The following CAMK4 variants were observed in gnomAD, a reference collection of about 807,000 sequenced individuals.
CAMK4 encodes the protein calcium/calmodulin dependent protein kinase IV.
In CAMK4, 22 loss-of-function variants were observed where a neutral mutation model predicts 44.9. The observed-to-expected ratio is 0.49, with a 90% CI of 0.35 to 0.70. The LOEUF is 0.70. Ranked by LOEUF, CAMK4 falls within the 30% of genes least tolerant of loss-of-function variation. The pLI is 0.01. For missense variants in CAMK4, 498 were observed against 586.8 expected, an observed-to-expected ratio of 0.85 and a Z score of 1.56; for synonymous variants, 218 against 215.4, an observed-to-expected ratio of 1.01 and a Z score of -0.11.
chr5:111,428,787 G>C (rs772553412), intron 5 of CAMK4, among the ~76,000 whole-genome samples: 10 of 152,146 alleles, frequency 6.6e-5, no homozygotes, highest in Non-Finnish European at 1.3e-4. Context: ...GATATGGGTA[G>C]AAAGTTTAAT....
chr5:111,472,574 A>C (rs1755103647), intron 7 of CAMK4, among the ~76,000 whole-genome samples: 1 of 152,244 alleles, frequency 6.6e-6, no homozygotes, highest in Non-Finnish European at 1.5e-5. Context: ...AAGGTAATAA[A>C]AATATAAAAG....
intron 2 of CAMK4, among the ~76,000 whole-genome samples, chr5:111,373,500 T>G (rs1010404917): frequency 1.3e-5 from 2 of 152,186 alleles, no homozygotes; most frequent in Admixed American, 1.3e-4. Flanking sequence ...TCATTCCTTT[T>G]TAAAGATTGC....
Position 111,486,175 on chromosome 5 carries a change from C to T in CAMK4, c.*1709C>T, listed in dbSNP as rs1755610813. 6.6e-6 allele frequency: 1 copy of T among 152,104 alleles called. No individual in the cohort carries two copies. The highest frequency in any genetic ancestry group is 1.5e-5 in the Non-Finnish European group (1 of 68,028). 9.4% of individuals were successfully genotyped at this position (152,104 alleles called of 1,614,324 possible). A position where few individuals can be genotyped will look rare whatever the true frequency, so the allele number is the denominator to read the frequency against. ...ACAAATCTCTCTCTACTACTGTTCT[C>T]ATGGGAAGAAAACAAGGTAGGACTT... On this transcript the variant is annotated 3_prime_UTR_variant, in exon 11 of 11. Coordinates refer to ENST00000282356, the MANE Select transcript of CAMK4 (RefSeq NM_001744.6).
chr5:111,482,227 A>G lies in CAMK4; in HGVS notation c.829-558A>G, dbSNP rs954964200. ...CCTCAAGCCACTGACTTCTTGGATT[A>G]TAAAATGATTTTTAAACTCTGGGCT... On this transcript the variant is annotated intron_variant, in intron 9 of 10. Coordinates refer to ENST00000282356, the MANE Select transcript of CAMK4 (RefSeq NM_001744.6). The surrounding 1 kb of genome is among the most constrained non-coding windows in gnomAD (Gnocchi z 4.9). 3 of 152,364 alleles carry G rather than the reference A, an allele frequency of 2.0e-5. No individual in the cohort carries two copies. Among genetic ancestry groups the G allele is most frequent in the Non-Finnish European group, 2.9e-5 (2 of 68,040 alleles). The allele number at this position is 152,364 out of a possible 1,614,324, so 9.4% of individuals were successfully genotyped here.
chr5:111,490,009 T>C lies in CAMK4; in HGVS notation c.*5543T>C, dbSNP rs1361226734. 6.6e-6 allele frequency: 1 copy of C among 152,218 alleles called. No homozygotes were observed. The highest frequency in any genetic ancestry group is 1.5e-5 in the Non-Finnish European group (1 of 68,034). 9.4% of individuals were successfully genotyped at this position (152,218 alleles called of 1,614,324 possible). A position where few individuals can be genotyped will look rare whatever the true frequency, so the allele number is the denominator to read the frequency against. On this transcript the variant is annotated 3_prime_UTR_variant, in exon 11 of 11. Coordinates refer to ENST00000282356, the MANE Select transcript of CAMK4 (RefSeq NM_001744.6). ...AAAATCACACTATTCTAAACAGTTG[T>C]TTTCAGCTCATTTTGAAGATTGACC...
At chr5:111,240,354 A>G (rs1748931639) in intron 1 of CAMK4, among the ~76,000 whole-genome samples, 1 of 152,028 alleles carries the variant, frequency 6.6e-6, no homozygotes. Flanking sequence ...AAAGCAGTCT[A>G]TTAGTTTGTG....
intron 5 of CAMK4, among the ~76,000 whole-genome samples, chr5:111,425,160 CT>C (rs1345674855): frequency 1.2e-5 from 1 of 81,364 alleles, no homozygotes; most frequent in East Asian, 3.1e-4. Flanking sequence ...AAGACGCTGT[CT>C]TAAAAAAAAA....
chr5:111,252,517 G>C (rs910470639), intron 1 of CAMK4, among the ~76,000 whole-genome samples: 1 of 152,078 alleles, frequency 6.6e-6, no homozygotes, highest in Non-Finnish European at 1.5e-5. Flanking sequence ...GGAACTTGTG[G>C]TTGCTGGTAG....
chr5:111,386,025 A>G (rs925239325), intron 4 of CAMK4, among the ~76,000 whole-genome samples: 1 of 152,168 alleles, frequency 6.6e-6, no homozygotes, highest in Non-Finnish European at 1.5e-5. Flanking sequence ...TTGATCCACA[A>G]TTCCCTGACT....
chr5:111,468,751 G>C (rs1420834200), intron 7 of CAMK4, among the ~76,000 whole-genome samples: 1 of 152,078 alleles, frequency 6.6e-6, no homozygotes, highest in South Asian at 2.1e-4. Context: ...AGGCCGAGGC[G>C]GGTGGATCAC....
At chr5:111,228,257 C>A (rs768507643) in intron 1 of CAMK4, among the ~76,000 whole-genome samples, 1 of 152,128 alleles carries the variant, frequency 6.6e-6, no homozygotes, top group Non-Finnish European at 1.5e-5. Context: ...TATTTTGGAA[C>A]CTTTTTTTTC....
rs954994953 is a variant in CAMK4 at position 111,488,509 on chromosome 5, T to G, written c.*4043T>G. ...TTTAAACATATTTTGTAATTCAGAA[T>G]GTTTAGCAATCCCTATGTCCTGTTT... On this transcript the variant is annotated 3_prime_UTR_variant, in exon 11 of 11. Transcript: ENST00000282356. The G allele has an allele frequency of 4.6e-5, 7 of 152,228 alleles. No homozygotes were observed. The highest frequency in any genetic ancestry group is 8.8e-5 in the Non-Finnish European group (6 of 68,038). 9.4% of individuals were successfully genotyped at this position (152,228 alleles called of 1,614,324 possible).
At chr5:111,257,805 A>AC (rs1195828121) in intron 1 of CAMK4, among the ~76,000 whole-genome samples, 2 of 152,246 alleles carry the variant, frequency 1.3e-5, no homozygotes, top group Admixed American at 6.5e-5. Context: ...ACCAAGGAAT[A>AC]CTATGCAGCC....
intron 5 of CAMK4, among the ~76,000 whole-genome samples, chr5:111,441,929 A>ATTCTTTATT (rs1753836576): frequency 6.6e-6 from 1 of 152,156 alleles, no homozygotes; most frequent in Non-Finnish European, 1.5e-5. Flanking sequence ...AGCATGTTTT[A>ATTCTTTATT]TTCTTTATTT....
intron 2 of CAMK4, among the ~76,000 whole-genome samples, chr5:111,352,234 A>G (rs1750140286): frequency 6.6e-6 from 1 of 152,110 alleles, no homozygotes; most frequent in Non-Finnish European, 1.5e-5. Flanking sequence ...GAAAAGCACC[A>G]AAGCCCAAAT....
intron 7 of CAMK4, among the ~76,000 whole-genome samples, chr5:111,465,028 C>G (rs1169879115): frequency 2.0e-5 from 3 of 152,128 alleles, no homozygotes; most frequent in African/African-American, 7.2e-5. Flanking sequence ...AGAATATTGT[C>G]CCGTATATTG....
At chr5:111,387,922 C>T (rs899971869) in intron 4 of CAMK4, among the ~76,000 whole-genome samples, 20 of 152,210 alleles carry the variant, frequency 1.3e-4, no homozygotes, top group Admixed American at 7.9e-4. Flanking sequence ...TCTTCACTTG[C>T]AGTCATAGTT....
intron 5 of CAMK4, among the ~76,000 whole-genome samples, chr5:111,443,433 A>G (rs1030784263): frequency 4.7e-5 from 7 of 149,516 alleles, no homozygotes; most frequent in African/African-American, 1.5e-4. Context: ...TCATCTCTGC[A>G]TGTCTTTTTA....
chr5:111,265,290 A>G (rs1471129889), intron 1 of CAMK4, among the ~76,000 whole-genome samples: 1 of 152,198 alleles, frequency 6.6e-6, no homozygotes, highest in Non-Finnish European at 1.5e-5. Context: ...GTGAAATGCA[A>G]CATTGTCTTG....
Sources: allele counts gnomAD v4.1 joint callset (sites outside exome capture counted in the v4.1 genomes callset), GRCh38; gene constraint gnomAD v4.1.1; non-coding constraint Gnocchi (gnomAD v3.1); transcripts MANE v1.5; gene names NCBI Gene and HGNC (gene_info 2026-07-23, HGNC 2026-07-21).